The following CMTR1 variants were observed in gnomAD, a reference collection of about 807,000 sequenced individuals.
CMTR1 encodes the protein cap methyltransferase 1.
CMTR1 carries 39 observed loss-of-function variants against 107.0 expected under a neutral mutation model. That is an observed-to-expected ratio of 0.36 (90% CI 0.28 to 0.48). CMTR1 has a LOEUF of 0.48. CMTR1 is among the 20% of genes least tolerant of loss of function. The pLI is 0.99. For synonymous variants in CMTR1, 366 were observed against 379.5 expected (o/e 0.96, Z 0.41); for missense variants, 672 against 1,064.9 (o/e 0.63, Z 5.14).
intron 3 of CMTR1, among the ~76,000 whole-genome samples, chr6:37,445,736 G>A (rs567426508): frequency 2.0e-5 from 3 of 151,812 alleles, no homozygotes; most frequent in Non-Finnish European, 2.9e-5. Flanking sequence ...CTCGTGATCC[G>A]CCCTTCTCGG....
chr6:37,474,213 C>T (rs190930359), intron 17 of CMTR1, among the ~76,000 whole-genome samples: 1 of 152,186 alleles, frequency 6.6e-6, no homozygotes, highest in Admixed American at 6.5e-5. Context: ...CTTCACTAAA[C>T]CCACCTTAGA....
At chr6:37,466,209 T>C (rs1761509718) in intron 13 of CMTR1, among the ~76,000 whole-genome samples, 1 of 145,792 alleles carries the variant, frequency 6.9e-6, no homozygotes, top group Admixed American at 7.2e-5. Flanking sequence ...GCCTCCCGGG[T>C]TCAAGCAATT....
chr6:37,480,024 A>G lies in CMTR1; in HGVS notation c.2387A>G (p.Tyr796Cys), dbSNP rs1455719293. 3 of 1,576,512 alleles carry G rather than the reference A, an allele frequency of 1.9e-6. No homozygotes were observed. The highest frequency in any genetic ancestry group is 2.6e-6 in the Non-Finnish European group (3 of 1,165,856). The change falls in exon 24 of 24, where the codon TAT becomes TGT. Residue 796 changes from tyrosine to cysteine, a missense_variant. By Grantham distance (194) the Tyr-to-Cys change is radical. Coordinates refer to ENST00000373451, the MANE Select transcript of CMTR1 (RefSeq NM_015050.3). ...CCTCTCCTCCCCAGCATTTGCTACT[A>G]TGGCCGGCTCTTCTGGGAGTGGGGG... is the stretch of plus-strand genomic sequence containing the variant. Reference protein sequence around the residue: ...DSIAPFHICYYGRLFWEWGDG... With the variant: ...DSIAPFHICYCGRLFWEWGDG...
At chr6:37,427,982 A>G in the CMTR1 span, among the ~76,000 whole-genome samples, 1 of 149,226 alleles carries the variant, frequency 6.7e-6, no homozygotes, top group Non-Finnish European at 1.5e-5. This position sits in a 1 kb window ranked among gnomAD's most constrained non-coding sequence, Gnocchi z 4.4. Context: ...TGTGATACAT[A>G]GTTTTGTCAA....
At chr6:37,462,769 A>G (rs952115790) in intron 12 of CMTR1, 60 bp from the exon 13 acceptor site, 70 of 1,525,404 alleles carry the variant, frequency 4.6e-5, no homozygotes, top group Non-Finnish European at 5.6e-5. Flanking sequence ...GGGTTGGGGG[A>G]AAAGGAATGT....
chr6:37,441,655 C>A (rs943926361), intron 2 of CMTR1, among the ~76,000 whole-genome samples: 1 of 152,154 alleles, frequency 6.6e-6, no homozygotes, highest in Non-Finnish European at 1.5e-5. Context: ...CTCAGGTGAT[C>A]CGCCCGCCTC....
rs878936111 is a variant in CMTR1 at position 37,453,356 on chromosome 6, C to T, written c.777+44C>T. 5.1e-6 allele frequency: 8 copies of T among 1,562,026 alleles called. No individual in the cohort carries two copies. In the South Asian group the frequency reaches 8.9e-5, roughly 17 times the overall value. ...TTCTGAATTCATGGTGCTAAGAGGG[C>T]TTAAGTTTCAGTGGCTCAGCCATTG... is the stretch of plus-strand genomic sequence containing the variant. On this transcript the variant is annotated intron_variant, in intron 8 of 23. Transcript: ENST00000373451.
intron 4 of CMTR1, among the ~76,000 whole-genome samples, chr6:37,449,757 C>G (rs1771892066): frequency 6.6e-6 from 1 of 152,172 alleles, no homozygotes; most frequent in Non-Finnish European, 1.5e-5. Context: ...ATCCTGTTTA[C>G]CAGTTTCTGG....
At chr6:37,445,317 T>G (rs531890795) in intron 3 of CMTR1, among the ~76,000 whole-genome samples, 2 of 151,968 alleles carry the variant, frequency 1.3e-5, no homozygotes, top group African/African-American at 2.4e-5. Flanking sequence ...AGGATTGCAG[T>G]TTTTTTTGTA....
chr6:37,434,182 G>A (rs1490966019), intron 1 of CMTR1, among the ~76,000 whole-genome samples: 1 of 151,892 alleles, frequency 6.6e-6, no homozygotes, highest in African/African-American at 2.4e-5. Flanking sequence ...AGTGTCTCCG[G>A]TTCTTCCCTG....
At chr6:37,467,027 G>A (rs1181493221) in intron 13 of CMTR1, among the ~76,000 whole-genome samples, 30 of 151,968 alleles carry the variant, frequency 2.0e-4, no homozygotes, top group Admixed American at 2.0e-3. Flanking sequence ...AAAATTAGCT[G>A]GGCATGGTGG....
intron 13 of CMTR1, among the ~76,000 whole-genome samples, chr6:37,466,549 A>G (rs924305410): frequency 1.4e-4 from 21 of 152,194 alleles, no homozygotes; most frequent in Admixed American, 3.3e-4. Flanking sequence ...TCCCAGCACC[A>G]TTAGTTGAAA....
chr6:37,453,115 G>A lies in CMTR1; in HGVS notation c.678G>A (p.Met226Ile). The change falls in exon 7 of 24, where the codon ATG becomes ATA. Residue 226 changes from methionine (M) to isoleucine (I), a missense_variant. By Grantham distance (10) the Met-to-Ile change is conservative (BLOSUM62 1). This residue lies in a region of CMTR1 where 583 missense variants were observed against 968.4 expected (regional missense o/e 0.60). Transcript: ENST00000373451. ...RARTRANPYEMIRGVFFLNRA... is the reference protein window; with the variant it reads ...RARTRANPYEIIRGVFFLNRA... Reference sequence around the variant, plus strand: ...GGACTCGGGCCAATCCCTATGAGATGATCCGAGGAGTCTTCTTTCTAAACA... The same window carrying A: ...GGACTCGGGCCAATCCCTATGAGATAATCCGAGGAGTCTTCTTTCTAAACA... 6.2e-7 allele frequency: 1 copy of A among 1,614,150 alleles called. No individual in the cohort carries two copies. Among genetic ancestry groups the A allele is most frequent in the Non-Finnish European group, 8.5e-7 (1 of 1,180,026 alleles).
At chr6:37,476,066 G>A (rs952001376) in intron 19 of CMTR1, 60 bp from the exon 20 acceptor site, 53 of 1,530,674 alleles carry the variant, frequency 3.5e-5, no homozygotes, top group Admixed American at 8.4e-5. Context: ...TGCCCTGGGG[G>A]TAGGGGTGCT....
chr6:37,431,101 C>T (rs565486370), upstream of CMTR1, among the ~76,000 whole-genome samples: 1 of 151,040 alleles, frequency 6.6e-6, no homozygotes, highest in Non-Finnish European at 1.5e-5. Context: ...TGGGTATACT[C>T]ATATACATTA....
chr6:37,448,990 G>T (rs1771870650), intron 4 of CMTR1, among the ~76,000 whole-genome samples: 1 of 152,138 alleles, frequency 6.6e-6, no homozygotes, highest in South Asian at 2.1e-4. Flanking sequence ...GCCCAGGCTG[G>T]AATGCAGTGG....
At chr6:37,440,992 C>T (rs879424726) in intron 2 of CMTR1, among the ~76,000 whole-genome samples, 2 of 152,132 alleles carry the variant, frequency 1.3e-5, no homozygotes, top group Non-Finnish European at 2.9e-5. Flanking sequence ...TATGAATGTC[C>T]AGATTGCTGG....
chr6:37,448,225 A>AAAG (rs1475003219), intron 4 of CMTR1, among the ~76,000 whole-genome samples: 1 of 151,264 alleles, frequency 6.6e-6, no homozygotes, highest in Non-Finnish European at 1.5e-5. Flanking sequence ...AAAAAAAAAA[A>AAAG]AAAAAGAGGT....
upstream of CMTR1, chr6:37,433,147 TC>T: frequency 6.6e-6 from 1 of 152,544 alleles, no homozygotes. Flanking sequence ...CAGCTGCCTT[TC>T]CCGGGGCCGG....
Sources: allele counts gnomAD v4.1 joint callset (sites outside exome capture counted in the v4.1 genomes callset), GRCh38; gene constraint gnomAD v4.1.1; regional missense constraint gnomAD v4.1.1; non-coding constraint Gnocchi (gnomAD v3.1); transcripts MANE v1.5; gene names NCBI Gene and HGNC (gene_info 2026-07-23, HGNC 2026-07-21).